Variants in EPB41L3 observed in about 807,000 individuals in gnomAD.
The protein encoded by EPB41L3 is erythrocyte membrane protein band 4.1 like 3.
In EPB41L3, 57 loss-of-function variants were observed where a neutral mutation model predicts 127.1. The observed-to-expected ratio is 0.45, with a 90% confidence interval of 0.36 to 0.56. The LOEUF (loss-of-function observed/expected upper bound fraction) is 0.56, where lower values mean the gene tolerates loss of function less well. Among genes scored for constraint, EPB41L3 ranks in the 20% least tolerant of loss-of-function variants. The probability of loss-of-function intolerance (pLI) is 0.00; values close to 1 mark genes in which losing one functional copy is unlikely to be tolerated. For synonymous variants in EPB41L3, 572 were observed against 549.5 expected, an observed-to-expected ratio of 1.04 and a Z score of -0.57; for missense variants, 1,273 against 1,372.2, an observed-to-expected ratio of 0.93 and a Z score of 1.14.
upstream of EPB41L3, chr18:5,630,534 G>A (rs1465897756): frequency 5.8e-6 from 3 of 517,054 alleles, no homozygotes; most frequent in South Asian, 4.2e-5. Context: ...ATTCTCCGGG[G>A]TCCAGTCTCG....
At chr18:5,628,560 C>A (rs993380967) in intron 1 of EPB41L3, among the ~76,000 whole-genome samples, 2 of 152,376 alleles carry the variant, frequency 1.3e-5, no homozygotes, top group Non-Finnish European at 1.5e-5. Context: ...TCTTCCCTTT[C>A]CTTGTCTTGT....
rs2091234112 is a variant in EPB41L3, at chr18:5,496,886, A to G, written c.-11-7692T>C. On this transcript the variant is annotated intron_variant, in intron 1 of 22. Coordinates refer to ENST00000341928, the MANE Select transcript of EPB41L3 (RefSeq NM_012307.5). Reference sequence around the variant, plus strand: ...TAAAGATGAACAAGGTCTCTGCTGTAGTGGAGCCTACATTCTAATTGGAGG... The same window carrying G: ...TAAAGATGAACAAGGTCTCTGCTGTGGTGGAGCCTACATTCTAATTGGAGG... Among the ~76,000 whole-genome samples, 5 of 152,240 alleles carry G rather than the reference A, an allele frequency of 3.3e-5. No individual in the cohort carries two copies. In the South Asian group the frequency reaches 1.0e-3, roughly 31 times the overall value.
At chr18:5,432,191 C>A (rs565379014) in intron 8 of EPB41L3, among the ~76,000 whole-genome samples, 11 of 152,290 alleles carry the variant, frequency 7.2e-5, no homozygotes, top group African/African-American at 2.6e-4. Flanking sequence ...AAGTGCAGCC[C>A]AACTTCCAGT....
chr18:5,486,365 C>A (rs11875766), intron 2 of EPB41L3, among the ~76,000 whole-genome samples: 5,882 of 152,124 alleles, frequency 0.039, 275 homozygotes, highest in East Asian at 0.15. Flanking sequence ...AAATGTAAGA[C>A]CTGTAACTAT....
chr18:5,545,099 G>A (rs2093854184), upstream of EPB41L3, among the ~76,000 whole-genome samples: 1 of 152,096 alleles, frequency 6.6e-6, no homozygotes. Flanking sequence ...CCCTCTACTT[G>A]TGGCAAGAGT....
intron 3 of EPB41L3, among the ~76,000 whole-genome samples, chr18:5,454,805 A>G (rs2082786517): frequency 6.6e-6 from 1 of 152,236 alleles, no homozygotes. Flanking sequence ...AAATTTATAA[A>G]CAAAATAGTG....
chr18:5,561,012 C>CT (rs1292746815), intron 3 of EPB41L3, among the ~76,000 whole-genome samples: 1 of 146,010 alleles, frequency 6.8e-6, no homozygotes, highest in Non-Finnish European at 1.5e-5. Context: ...GAGTCTCGCT[C>CT]TGTCGCCCAG....
intron 3 of EPB41L3, among the ~76,000 whole-genome samples, chr18:5,552,638 G>C (rs2093981707): frequency 6.6e-6 from 1 of 152,160 alleles, no homozygotes; most frequent in Non-Finnish European, 1.5e-5. Flanking sequence ...GCCTGGCCCA[G>C]GGATCTGTTT....
At chr18:5,408,034 AC>A (rs988196614) in intron 14 of EPB41L3, among the ~76,000 whole-genome samples, 1 of 152,184 alleles carries the variant, frequency 6.6e-6, no homozygotes, top group African/African-American at 2.4e-5. Flanking sequence ...TTCTTGATGA[AC>A]ATTAGAAATA....
chr18:5,473,159 C>A (rs1192541177), intron 3 of EPB41L3, among the ~76,000 whole-genome samples: 1 of 152,158 alleles, frequency 6.6e-6, no homozygotes, highest in Non-Finnish European at 1.5e-5. Flanking sequence ...GCAAATCTCT[C>A]TCCAGTGTGG....
In EPB41L3 at chr18:5,489,138, CCTGGTCCGG is replaced by C. The variant is rs760580981; in HGVS notation, c.37_45del (p.Pro13_Gln15del). The C allele has an allele frequency of 3.1e-6, 5 of 1,595,174 alleles. No homozygotes were observed. The African/African-American group carries it at 5.5e-5, about 18-fold the overall frequency. On this transcript the variant is annotated inframe_deletion, in exon 2 of 23. Transcript: ENST00000341928. ...CCCGCCGCCTCCTGGGGCTCGGCCT[CCTGGTCCGG>C]CTTGGATTCCGAGTCTGATCCAGAT...
intron 3 of EPB41L3, among the ~76,000 whole-genome samples, chr18:5,556,713 A>G (rs1316829089): frequency 6.6e-6 from 1 of 152,156 alleles, no homozygotes; most frequent in African/African-American, 2.4e-5. Context: ...ACAGAGCAGG[A>G]AACATGGAGT....
intron 16 of EPB41L3, among the ~76,000 whole-genome samples, chr18:5,404,960 TG>T (rs967540751): frequency 9.2e-5 from 14 of 152,236 alleles, no homozygotes; most frequent in African/African-American, 3.4e-4. Flanking sequence ...ATGTGAAATT[TG>T]TCTCTTGAAA....
chr18:5,613,424 G>A (rs901073015), intron 2 of EPB41L3, among the ~76,000 whole-genome samples: 2 of 152,166 alleles, frequency 1.3e-5, no homozygotes, highest in East Asian at 1.9e-4. Context: ...GTCCAAATGC[G>A]ACAAGGTATG....
At chr18:5,492,953 G>T (rs1262207474) in intron 1 of EPB41L3, among the ~76,000 whole-genome samples, 1 of 152,136 alleles carries the variant, frequency 6.6e-6, no homozygotes, top group African/African-American at 2.4e-5. Context: ...GCATGTGCAG[G>T]TGTGAATGAA....
At chr18:5,531,756 A>G (rs968942060) in intron 1 of EPB41L3, among the ~76,000 whole-genome samples, 5 of 150,914 alleles carry the variant, frequency 3.3e-5, no homozygotes, top group Non-Finnish European at 7.4e-5. Flanking sequence ...AAAAAAAGGA[A>G]GAAAGAAAAA....
At chr18:5,402,077 G>A (rs2074580301) in intron 16 of EPB41L3, among the ~76,000 whole-genome samples, 1 of 151,390 alleles carries the variant, frequency 6.6e-6, no homozygotes, top group African/African-American at 2.4e-5. Context: ...GGAACATCTG[G>A]AATATTCTGC....
At chr18:5,474,003 G>A (rs577697354) in intron 3 of EPB41L3, among the ~76,000 whole-genome samples, 7 of 152,144 alleles carry the variant, frequency 4.6e-5, no homozygotes, top group South Asian at 4.2e-4. Context: ...AGGCCGAGAC[G>A]GGTGGATCAC....
chr18:5,533,116 A>C (rs1355883724), intron 1 of EPB41L3, among the ~76,000 whole-genome samples: 1 of 152,130 alleles, frequency 6.6e-6, no homozygotes, highest in Non-Finnish European at 1.5e-5. Context: ...CCAAAATCGC[A>C]ATTTTTGATG....
Sources: gnomAD v4.1 joint callset for allele counts (sites outside exome capture counted in the v4.1 genomes callset) on GRCh38, gnomAD v4.1.1 for gene constraint, MANE v1.5 for transcripts, NCBI Gene and HGNC (gene_info 2026-07-23, HGNC 2026-07-21) for gene names.